SLC14A2: variants seen among roughly 807,000 people sequenced by gnomAD.
SLC14A2 encodes the protein solute carrier family 14 member 2.
SLC14A2 carries 91 observed loss-of-function variants against 104.6 expected under a neutral mutation model. The observed-to-expected ratio is 0.87, with a 90% CI of 0.73 to 1.04. SLC14A2 has a LOEUF of 1.04. Among genes scored for constraint, SLC14A2 ranks in the 50% least tolerant of loss-of-function variants. The pLI is 0.00. For synonymous variants in SLC14A2, 476 were observed against 466.4 expected, an observed-to-expected ratio of 1.02 and a Z score of -0.27; for missense variants, 1,189 against 1,156.0, an observed-to-expected ratio of 1.03 and a Z score of -0.41.
chr18:45,507,946 T>G (rs2043309496), intron 2 of SLC14A2, among the ~76,000 whole-genome samples: 1 of 152,160 alleles, frequency 6.6e-6, no homozygotes, highest in Admixed American at 6.5e-5. Flanking sequence ...CATCTGGCAA[T>G]GGGGCAAATA....
chr18:45,368,228 C>T (rs2085686030), intron 1 of SLC14A2, among the ~76,000 whole-genome samples: 1 of 152,154 alleles, frequency 6.6e-6, no homozygotes, highest in South Asian at 2.1e-4. Flanking sequence ...GAGTGACATG[C>T]CCACACTTAC....
At position 45,666,191 on chromosome 18, in the gene SLC14A2, G is replaced by A. The variant is rs9960464; in HGVS notation, c.1529G>A (p.Arg510Gln). 718,914 of 1,611,038 alleles carry A rather than the reference G, an allele frequency of 0.45. 162,448 individuals are homozygous for A. Among genetic ancestry groups the A allele is most frequent in the Admixed American group, 0.51 (30,545 of 59,972 alleles). ...CAAAACAAAGACCCATTTCCCTATC[G>A]ATACCGGAAGCCCACAGTCGAGCTG... Reference protein sequence around the residue: ...ERQNKDPFPYRYRKPTVELLD... With the variant: ...ERQNKDPFPYQYRKPTVELLD... The change falls in exon 12 of 20, where the codon CGA (arginine) becomes CAA (glutamine). Residue 510 changes from arginine (R) to glutamine (Q), a missense_variant. Coordinates refer to ENST00000255226, the MANE Select transcript of SLC14A2 (RefSeq NM_007163.4).
chr18:45,652,371 G>C (rs1428050985), intron 10 of SLC14A2, among the ~76,000 whole-genome samples: 1 of 152,226 alleles, frequency 6.6e-6, no homozygotes, highest in East Asian at 1.9e-4. Context: ...AAGGGGGCAA[G>C]GGGGAAAATG....
chr18:45,299,214 T>C (rs933465114), intron 1 of SLC14A2, among the ~76,000 whole-genome samples: 1 of 152,218 alleles, frequency 6.6e-6, no homozygotes, highest in Non-Finnish European at 1.5e-5. Context: ...AAGCTGTCCC[T>C]GGTAAATGAG....
intron 1 of SLC14A2, among the ~76,000 whole-genome samples, chr18:45,341,820 T>G (rs956770144): frequency 3.3e-5 from 5 of 151,984 alleles, no homozygotes; most frequent in Admixed American, 1.3e-4. Context: ...ACTCCTGACC[T>G]CAAGTGATCT....
chr18:45,219,369 C>T (rs1454844312), intron 1 of SLC14A2, among the ~76,000 whole-genome samples: 1 of 152,112 alleles, frequency 6.6e-6, no homozygotes, highest in African/African-American at 2.4e-5. Flanking sequence ...ATTTCTTCTA[C>T]AGTCTTTTGC....
At chr18:45,612,700 G>A (rs984470288), upstream of SLC14A2, among the ~76,000 whole-genome samples, 1 of 152,180 alleles carries the variant, frequency 6.6e-6, no homozygotes. Context: ...GTAGGGTTTG[G>A]CTCTGTGTCC....
chr18:45,346,778 A>G (rs1030422844), intron 1 of SLC14A2, among the ~76,000 whole-genome samples: 1 of 151,924 alleles, frequency 6.6e-6, no homozygotes, highest in Non-Finnish European at 1.5e-5. Context: ...CCCAGCCAAC[A>G]TGGTGAAACC....
chr18:45,464,974 G>T (rs924331396), intron 1 of SLC14A2, among the ~76,000 whole-genome samples: 23 of 152,154 alleles, frequency 1.5e-4, no homozygotes, highest in Admixed American at 5.2e-4. Context: ...AAGCCAAAAT[G>T]CAGGCAGGCA....
In SLC14A2 at chr18:45,312,376, C is replaced by T. The variant is rs1423888348; in HGVS notation, c.-125+99185C>T. Among the ~76,000 whole-genome samples the T allele has an allele frequency of 2.1e-5, 3 of 143,298 alleles. No homozygotes were observed. In the East Asian group the frequency reaches 6.0e-4, roughly 29 times the overall value. The allele number at this position is 143,298 out of a possible 152,430, so 94.0% of individuals were successfully genotyped here. Reference sequence around the variant, plus strand: ...CTCTGATCCTTCTACAGGCTACCTTCAGACTAGAAAAAAAAAAAGCCTGCT... The same window carrying T: ...CTCTGATCCTTCTACAGGCTACCTTTAGACTAGAAAAAAAAAAAGCCTGCT... On this transcript the variant is annotated intron_variant, in intron 1 of 20. Coordinates refer to the SLC14A2 transcript ENST00000586448.
At chr18:45,574,031 T>C (rs1045344027) in intron 2 of SLC14A2, among the ~76,000 whole-genome samples, 1 of 152,246 alleles carries the variant, frequency 6.6e-6, no homozygotes, top group Admixed American at 6.5e-5. Context: ...AGTCATCGTA[T>C]GAATTAATGA....
intron 1 of SLC14A2, among the ~76,000 whole-genome samples, chr18:45,364,524 A>G (rs1003667159): frequency 6.6e-6 from 1 of 152,220 alleles, no homozygotes; most frequent in South Asian, 2.1e-4. Flanking sequence ...ATATACACCT[A>G]TGTATACATA....
intron 2 of SLC14A2, among the ~76,000 whole-genome samples, chr18:45,540,901 T>C (rs954577650): frequency 6.6e-6 from 1 of 152,062 alleles, no homozygotes; most frequent in African/African-American, 2.4e-5. Context: ...CTTAAGAAGC[T>C]AAGAATCAAG....
At chr18:45,609,194 T>C (rs2044927558) in intron 2 of SLC14A2, among the ~76,000 whole-genome samples, 1 of 152,122 alleles carries the variant, frequency 6.6e-6, no homozygotes. Flanking sequence ...TTGGCTTCCT[T>C]CTTGGCACAT....
intron 1 of SLC14A2, among the ~76,000 whole-genome samples, chr18:45,309,983 T>C (rs2085062320): frequency 9.6e-6 from 1 of 104,568 alleles, no homozygotes; most frequent in Admixed American, 8.8e-5. Context: ...GGTATCCTGA[T>C]TTTTTTTTTC....
At chr18:45,588,592 G>T (rs982205091) in intron 2 of SLC14A2, among the ~76,000 whole-genome samples, 1 of 152,218 alleles carries the variant, frequency 6.6e-6, no homozygotes, top group Non-Finnish European at 1.5e-5. Flanking sequence ...GCAGCTGCCA[G>T]AGGGTGTTAC....
At chr18:45,256,436 C>A (rs2084479301) in intron 1 of SLC14A2, among the ~76,000 whole-genome samples, 1 of 152,226 alleles carries the variant, frequency 6.6e-6, no homozygotes, top group African/African-American at 2.4e-5. Context: ...GCCTGGAGAA[C>A]TCCTGATAGG....
At chr18:45,182,938 T>A in the SLC14A2 span, among the ~76,000 whole-genome samples, 1 of 152,144 alleles carries the variant, frequency 6.6e-6, no homozygotes, top group Non-Finnish European at 1.5e-5. Flanking sequence ...AAATTTTTTT[T>A]AAATAAAAAT....
chr18:45,420,886 A>G (rs1398314310), intron 1 of SLC14A2, among the ~76,000 whole-genome samples: 1 of 151,910 alleles, frequency 6.6e-6, no homozygotes, highest in Non-Finnish European at 1.5e-5. Context: ...GACTACAGGC[A>G]TGCACCACCA....
Sources: allele counts gnomAD v4.1 joint callset (sites outside exome capture counted in the v4.1 genomes callset), GRCh38; gene constraint gnomAD v4.1.1; transcripts MANE v1.5; gene names NCBI Gene and HGNC (gene_info 2026-07-23, HGNC 2026-07-21).